LRRTM3: variants seen among roughly 807,000 people sequenced by gnomAD.
LRRTM3 encodes leucine rich repeat transmembrane neuronal 3, also known as leucine-rich repeat transmembrane neuronal protein 3.
In LRRTM3, 24 loss-of-function variants were observed where a neutral mutation model predicts 44.7. That is an observed-to-expected ratio of 0.54 (90% confidence interval 0.39 to 0.76). The LOEUF (loss-of-function observed/expected upper bound fraction) is 0.76, where lower values mean the gene tolerates loss of function less well. Among genes scored for constraint, LRRTM3 ranks in the 30% least tolerant of loss-of-function variants. The probability of loss-of-function intolerance (pLI) is 0.00; values close to 1 mark genes in which losing one functional copy is unlikely to be tolerated. For missense variants in LRRTM3, 587 were observed against 702.2 expected, an observed-to-expected ratio of 0.84 and a Z score of 1.85; for synonymous variants, 277 against 278.7, an observed-to-expected ratio of 0.99 and a Z score of 0.06.
intron 2 of LRRTM3, among the ~76,000 whole-genome samples, chr10:66,947,988 T>C (rs989275884): frequency 1.2e-4 from 18 of 152,362 alleles, no homozygotes; most frequent in African/African-American, 4.3e-4. Context: ...AGGAACTTAC[T>C]TGTATAGCAA....
chr10:67,035,549 A>C (rs1159652540), intron 2 of LRRTM3, among the ~76,000 whole-genome samples: 1 of 152,148 alleles, frequency 6.6e-6, no homozygotes, highest in Non-Finnish European at 1.5e-5. Flanking sequence ...GTAAATTCTA[A>C]CTCGGAGAAC....
chr10:67,093,648 C>A (rs1857796368), intron 2 of LRRTM3, among the ~76,000 whole-genome samples: 1 of 151,694 alleles, frequency 6.6e-6, no homozygotes, highest in African/African-American at 2.4e-5. Context: ...CAAGGACATA[C>A]CCTCCCAACA....
chr10:67,058,293 AT>A (rs1406588533), intron 2 of LRRTM3, among the ~76,000 whole-genome samples: 1 of 152,202 alleles, frequency 6.6e-6, no homozygotes, highest in African/African-American at 2.4e-5. Flanking sequence ...CTATCACATC[AT>A]TCTTACTAGA....
intron 2 of LRRTM3, among the ~76,000 whole-genome samples, chr10:67,033,880 GC>G (rs1164536236): frequency 6.6e-6 from 1 of 152,052 alleles, no homozygotes; most frequent in East Asian, 1.9e-4. Flanking sequence ...AAGCAATTCT[GC>G]CTCACTCAGC....
chr10:66,971,414 G>A (rs990832041), intron 2 of LRRTM3, among the ~76,000 whole-genome samples: 3 of 95,136 alleles, frequency 3.2e-5, no homozygotes, highest in Non-Finnish European at 4.6e-5. Context: ...GCAACAGAGA[G>A]AGACTCCGTC....
At chr10:66,943,010 T>G (rs1304973204) in intron 2 of LRRTM3, among the ~76,000 whole-genome samples, 1 of 152,152 alleles carries the variant, frequency 6.6e-6, no homozygotes, top group African/African-American at 2.4e-5. Context: ...ACAAAATAGC[T>G]TCTCAGGGCA....
At chr10:67,054,578 T>C (rs1175124805) in intron 2 of LRRTM3, 1 of 152,184 alleles carries the variant, frequency 6.6e-6, no homozygotes, top group Non-Finnish European at 1.5e-5. Flanking sequence ...AAAAGGGCAA[T>C]GCTCATATGA....
chr10:67,075,338 C>T (rs146674573), intron 2 of LRRTM3, among the ~76,000 whole-genome samples: 3 of 152,164 alleles, frequency 2.0e-5, no homozygotes, highest in East Asian at 1.9e-4. Context: ...TTAACAAGAA[C>T]AAGTATTTCA....
intron 2 of LRRTM3, among the ~76,000 whole-genome samples, chr10:66,942,554 CTCT>C (rs1347287138): frequency 7.8e-6 from 1 of 128,264 alleles, no homozygotes; most frequent in African/African-American, 2.7e-5. Context: ...TAATGTCTCT[CTCT>C]CTCTCTCTCT....
chr10:66,940,785 C>CA (rs879777054), intron 2 of LRRTM3, among the ~76,000 whole-genome samples: 212 of 143,202 alleles, frequency 1.5e-3, no homozygotes, highest in Admixed American at 2.4e-3. Flanking sequence ...CTGGTTTAAA[C>CA]AAAAAAAAAA....
intron 2 of LRRTM3, among the ~76,000 whole-genome samples, chr10:66,954,989 C>T (rs908260552): frequency 4.6e-5 from 7 of 152,126 alleles, no homozygotes; most frequent in African/African-American, 1.2e-4. Flanking sequence ...AGATACTAGA[C>T]GTAAACATGC....
At chr10:67,090,537 G>A (rs1353864291) in intron 2 of LRRTM3, among the ~76,000 whole-genome samples, 3 of 152,014 alleles carry the variant, frequency 2.0e-5, no homozygotes, top group Admixed American at 6.6e-5. Flanking sequence ...TAAGAAGGCA[G>A]GCAACCACTT....
chr10:67,067,179 G>A (rs542923080), intron 2 of LRRTM3, among the ~76,000 whole-genome samples: 1 of 151,974 alleles, frequency 6.6e-6, no homozygotes, highest in South Asian at 2.1e-4. Flanking sequence ...ATAAATCTTA[G>A]CAAACTATAT....
At position 66,940,367 on chromosome 10, in the gene LRRTM3, A is replaced by G. The variant is rs534400294; in HGVS notation, c.1536+11915A>G. Among the ~76,000 whole-genome samples, 11 of 152,242 alleles carry G rather than the reference A, an allele frequency of 7.2e-5. No individual in the cohort carries two copies. The East Asian group carries it at 1.9e-3, about 27-fold the overall frequency. ...AAAAATTACCTGGGTGTGATGGCAC[A>G]TGCTTGGAAGCTGAAGTGGGAGGAC... On this transcript the variant is annotated intron_variant, in intron 2 of 2. Transcript: ENST00000361320.
At chr10:67,073,350 T>A (rs1393172155) in intron 2 of LRRTM3, among the ~76,000 whole-genome samples, 4 of 152,216 alleles carry the variant, frequency 2.6e-5, no homozygotes, top group Non-Finnish European at 5.9e-5. Context: ...GAACAGTATT[T>A]TACCTTCAAC....
At chr10:67,079,499 A>C (rs759698533) in intron 2 of LRRTM3, among the ~76,000 whole-genome samples, 1 of 152,204 alleles carries the variant, frequency 6.6e-6, no homozygotes, top group Non-Finnish European at 1.5e-5. Context: ...ACAATAGAAA[A>C]GGCAAAGTAT....
At chr10:67,060,035 G>C (rs1855670654) in intron 2 of LRRTM3, among the ~76,000 whole-genome samples, 1 of 152,010 alleles carries the variant, frequency 6.6e-6, no homozygotes, top group Non-Finnish European at 1.5e-5. Context: ...TCTTTTTTAG[G>C]CCAGACACAA....
intron 2 of LRRTM3, among the ~76,000 whole-genome samples, chr10:67,069,277 T>G (rs1856287202): frequency 6.6e-6 from 1 of 151,590 alleles, no homozygotes; most frequent in Admixed American, 6.6e-5. Context: ...TTAAAAAGAG[T>G]TTGGATAATC....
intron 2 of LRRTM3, among the ~76,000 whole-genome samples, chr10:66,957,444 A>G: frequency 4.4e-5 from 1 of 22,764 alleles, no homozygotes; most frequent in East Asian, 7.4e-4. Flanking sequence ...ATATATATGC[A>G]TATATATATA....
Sources: gnomAD v4.1 joint callset for allele counts (sites outside exome capture counted in the v4.1 genomes callset) on GRCh38, gnomAD v4.1.1 for gene constraint, MANE v1.5 for transcripts, NCBI Gene and HGNC (gene_info 2026-07-23, HGNC 2026-07-21) for gene names.